KHDRBS2: variants seen among roughly 807,000 people sequenced by gnomAD.
KHDRBS2 encodes KH domain-containing, RNA-binding, signal transduction-associated protein 2.
In KHDRBS2, 26 loss-of-function variants were observed where a neutral mutation model predicts 44.3. That is an observed-to-expected ratio of 0.59 (90% CI 0.43 to 0.81). The LOEUF (loss-of-function observed/expected upper bound fraction) is 0.81, where lower values mean the gene tolerates loss of function less well. KHDRBS2 is among the 40% of genes least tolerant of loss of function. The pLI, the probability that KHDRBS2 is intolerant of heterozygous loss-of-function variation, is 0.00. For missense variants in KHDRBS2, 476 were observed against 433.1 expected, an observed-to-expected ratio of 1.10 and a Z score of -0.88; for synonymous variants, 194 against 151.1, an observed-to-expected ratio of 1.28 and a Z score of -2.08.
At chr6:62,017,349 A>G (rs1156505708) in intron 3 of KHDRBS2, among the ~76,000 whole-genome samples, 1 of 152,166 alleles carries the variant, frequency 6.6e-6, no homozygotes, top group Non-Finnish European at 1.5e-5. Flanking sequence ...AATAAAAGAA[A>G]CATGTATCAT....
intron 6 of KHDRBS2, chr6:61,816,994 TG>T (rs1744976911): frequency 2.2e-6 from 1 of 455,618 alleles, no homozygotes; most frequent in Admixed American, 2.4e-5. Flanking sequence ...ACAAGGAAAG[TG>T]GTAATGATGG....
At chr6:62,239,418 C>CA (rs1304808874) in intron 1 of KHDRBS2, among the ~76,000 whole-genome samples, 20 of 151,876 alleles carry the variant, frequency 1.3e-4, no homozygotes, top group African/African-American at 4.8e-4. Context: ...GCTAAAAATA[C>CA]AAAAATTAAC....
intron 6 of KHDRBS2, among the ~76,000 whole-genome samples, chr6:61,876,945 G>GCTA (rs1799495123): frequency 6.6e-6 from 1 of 151,980 alleles, no homozygotes. Context: ...AATACAATAG[G>GCTA]TGGTATACAT....
chr6:61,994,919 A>G (rs1776876783), intron 3 of KHDRBS2, among the ~76,000 whole-genome samples: 1 of 152,072 alleles, frequency 6.6e-6, no homozygotes, highest in African/African-American at 2.4e-5. Context: ...AGGAGAAGGG[A>G]AAATATTCTA....
Position 62,119,818 on chromosome 6 carries a change from C to A in KHDRBS2, c.219+57367G>T, listed in dbSNP as rs189490209. 5.4e-4 allele frequency among the ~76,000 whole-genome samples: 82 copies of A among 152,270 alleles called. 1 individual carries two copies. The highest frequency in any genetic ancestry group is 3.4e-3 in the Middle Eastern group (1 of 294). Reference sequence around the variant, plus strand: ...GCAACAGTGATGGCCTCTCTTGAGGCAGTTGCCAGGCAAGATAATGCTGAT... The same window carrying A: ...GCAACAGTGATGGCCTCTCTTGAGGAAGTTGCCAGGCAAGATAATGCTGAT... On this transcript the variant is annotated intron_variant, in intron 2 of 8. Coordinates refer to ENST00000281156, the MANE Select transcript of KHDRBS2 (RefSeq NM_152688.4).
the KHDRBS2 span, among the ~76,000 whole-genome samples, chr6:61,612,953 C>T: frequency 1.4e-5 from 2 of 146,918 alleles, no homozygotes; most frequent in Non-Finnish European, 1.5e-5. Context: ...CCTGGGTTCA[C>T]GCCATTTTCC....
At chr6:61,991,557 T>C (rs560052147) in intron 3 of KHDRBS2, among the ~76,000 whole-genome samples, 2 of 152,140 alleles carry the variant, frequency 1.3e-5, no homozygotes, top group Admixed American at 1.3e-4. Context: ...CTTCCCCCAG[T>C]AGATATTGCC....
At chr6:61,597,046 C>G in the KHDRBS2 span, among the ~76,000 whole-genome samples, 1 of 151,910 alleles carries the variant, frequency 6.6e-6, no homozygotes, top group East Asian at 1.9e-4. Context: ...ATTTTTTTGC[C>G]AAGACAAAGA....
At chr6:61,996,466 C>A (rs1475599840) in intron 3 of KHDRBS2, among the ~76,000 whole-genome samples, 2 of 152,076 alleles carry the variant, frequency 1.3e-5, no homozygotes, top group Non-Finnish European at 2.9e-5. Flanking sequence ...TCCTACATGT[C>A]TTGATAATCA....
chr6:61,822,209 A>G (rs554595107), intron 6 of KHDRBS2, among the ~76,000 whole-genome samples: 2 of 151,998 alleles, frequency 1.3e-5, no homozygotes, highest in East Asian at 1.9e-4. Flanking sequence ...GTACCTCCAA[A>G]TCAGTCTATC....
intron 7 of KHDRBS2, among the ~76,000 whole-genome samples, chr6:61,703,937 C>T (rs1342209658): frequency 6.6e-6 from 1 of 151,790 alleles, no homozygotes; most frequent in Non-Finnish European, 1.5e-5. Context: ...TCTATGATTC[C>T]CAGTGCTGAA....
chr6:62,035,407 G>T (rs1305769195), intron 3 of KHDRBS2, among the ~76,000 whole-genome samples: 2 of 151,926 alleles, frequency 1.3e-5, no homozygotes, highest in Non-Finnish European at 2.9e-5. Context: ...GACAAATATT[G>T]TATGTTGTCA....
chr6:62,145,160 G>C (rs560453863), intron 2 of KHDRBS2, among the ~76,000 whole-genome samples: 1 of 151,878 alleles, frequency 6.6e-6, no homozygotes, highest in East Asian at 1.9e-4. Flanking sequence ...AATGCAAAAA[G>C]ACTAAGACAG....
chr6:61,613,508 A>G, the KHDRBS2 span, among the ~76,000 whole-genome samples: 1 of 152,168 alleles, frequency 6.6e-6, no homozygotes, highest in African/African-American at 2.4e-5. Context: ...TTATTATAGG[A>G]TGAGAAATTA....
chr6:62,026,432 A>AT (rs1783326961), intron 3 of KHDRBS2, among the ~76,000 whole-genome samples: 2 of 140,606 alleles, frequency 1.4e-5, no homozygotes, highest in Admixed American at 1.4e-4. Context: ...TATTATTATT[A>AT]TTATTATTTT....
the KHDRBS2 span, among the ~76,000 whole-genome samples, chr6:61,590,063 T>G: frequency 6.6e-6 from 1 of 152,088 alleles, no homozygotes; most frequent in Non-Finnish European, 1.5e-5. Context: ...AGCAGCCAAA[T>G]AGAAACAAAT....
At chr6:61,652,330 AAAG>A in the KHDRBS2 span, 2 of 152,112 alleles carry the variant, frequency 1.3e-5, no homozygotes, top group Admixed American at 6.6e-5. Context: ...GTGGAGAAAA[AAAG>A]AAGATGAAAA....
chr6:61,713,682 T>C (rs924057882), intron 7 of KHDRBS2, among the ~76,000 whole-genome samples: 1 of 151,532 alleles, frequency 6.6e-6, no homozygotes, highest in African/African-American at 2.4e-5. Flanking sequence ...ATGGGACTTG[T>C]ATACAATATA....
At chr6:61,664,383 T>A in the KHDRBS2 span, among the ~76,000 whole-genome samples, 1 of 151,698 alleles carries the variant, frequency 6.6e-6, no homozygotes, top group Non-Finnish European at 1.5e-5. Context: ...GGAAAATTAG[T>A]TAACAATACC....
Sources: gnomAD v4.1 joint callset for allele counts (sites outside exome capture counted in the v4.1 genomes callset) on GRCh38, gnomAD v4.1.1 for gene constraint, MANE v1.5 for transcripts, NCBI Gene and HGNC (gene_info 2026-07-23, HGNC 2026-07-21) for gene names.